SIPA1L3: variants seen among roughly 807,000 people sequenced by gnomAD.
The protein encoded by SIPA1L3 is signal induced proliferation associated 1 like 3.
Under a neutral mutation model 150.1 loss-of-function variants are expected in SIPA1L3, and 59 were observed. That is an observed-to-expected ratio of 0.39 (90% CI 0.32 to 0.49). SIPA1L3 has a LOEUF of 0.49. Among genes scored for constraint, SIPA1L3 ranks in the 20% least tolerant of loss-of-function variants. The pLI, the probability that SIPA1L3 is intolerant of heterozygous loss-of-function variation, is 0.86. For synonymous variants in SIPA1L3, 1,070 were observed against 1,077.6 expected, an observed-to-expected ratio of 0.99 and a Z score of 0.14; for missense variants, 2,211 against 2,489.5, an observed-to-expected ratio of 0.89 and a Z score of 2.38.
chr19:37,911,036 G>A (rs569235955), intron 1 of SIPA1L3, among the ~76,000 whole-genome samples: 28 of 152,254 alleles, frequency 1.8e-4, no homozygotes, highest in African/African-American at 5.5e-4. Flanking sequence ...ATACAGAGGT[G>A]TAGGGAAAAT....
intron 15 of SIPA1L3, among the ~76,000 whole-genome samples, chr19:38,175,419 A>G (rs188869396): frequency 1.2e-3 from 180 of 152,282 alleles, no homozygotes; most frequent in African/African-American, 4.1e-3. Flanking sequence ...TGCAGCTGGT[A>G]TGATTTCTCT....
At chr19:38,104,659 C>T (rs1157764298) in intron 6 of SIPA1L3, among the ~76,000 whole-genome samples, 2 of 152,106 alleles carry the variant, frequency 1.3e-5, no homozygotes, top group Non-Finnish European at 2.9e-5. Flanking sequence ...GCAACCTTCA[C>T]CTCCTGGTTT....
intron 10 of SIPA1L3, among the ~76,000 whole-genome samples, chr19:38,140,697 C>G (rs1971555385): frequency 6.6e-6 from 1 of 152,074 alleles, no homozygotes; most frequent in Non-Finnish European, 1.5e-5. Context: ...TGGGTCCCGT[C>G]CTGGTTGAAG....
intron 1 of SIPA1L3, among the ~76,000 whole-genome samples, chr19:37,993,238 G>C (rs1033863326): frequency 2.0e-5 from 3 of 152,198 alleles, no homozygotes; most frequent in Admixed American, 1.3e-4. Context: ...ACATGGGGCT[G>C]TGGGGATCAC....
chr19:38,190,852 C>T (rs1349118097), intron 16 of SIPA1L3, among the ~76,000 whole-genome samples: 1 of 152,198 alleles, frequency 6.6e-6, no homozygotes, highest in Admixed American at 6.6e-5. Flanking sequence ...TTGTTATCTG[C>T]AGACAGAAGC....
In SIPA1L3 at chr19:37,975,225, CAGAG is replaced by C. The variant is rs1201212106; in HGVS notation, c.-378-53857_-378-53854del. Among the ~76,000 whole-genome samples the C allele has an allele frequency of 3.3e-5, 5 of 152,188 alleles. No individual in the cohort carries two copies. In the East Asian group the frequency reaches 9.7e-4, roughly 29 times the overall value. Reference sequence around the variant, plus strand: ...GCTGTGATACATACCAAACAGGAAACAGAGAGAGAGCGAGGAGAGCATATTAATG... The same window carrying C: ...GCTGTGATACATACCAAACAGGAAACAGAGAGCGAGGAGAGCATATTAATG... On this transcript the variant is annotated intron_variant, in intron 1 of 21. Coordinates refer to ENST00000222345, the MANE Select transcript of SIPA1L3 (RefSeq NM_015073.3).
chr19:37,985,261 A>G (rs1353878624), intron 1 of SIPA1L3, among the ~76,000 whole-genome samples: 4 of 151,146 alleles, frequency 2.6e-5, no homozygotes, highest in Non-Finnish European at 4.4e-5. Flanking sequence ...CAGTGGTGCA[A>G]TCTTGGCTCA....
chr19:38,197,483 C>G lies in SIPA1L3; in HGVS notation c.4841-906C>G, dbSNP rs1484785666. Among the ~76,000 whole-genome samples, 4 of 152,186 alleles carry G rather than the reference C, an allele frequency of 2.6e-5. No individual in the cohort carries two copies. In the East Asian group the frequency reaches 7.7e-4, roughly 29 times the overall value. ...GCGTGTCATACCTGAACCTGCCCCC[C>G]CACGGCAACCCCACCCCGTGTAAAC... On this transcript the variant is annotated intron_variant, in intron 18 of 21. Transcript: ENST00000222345.
At chr19:38,000,934 C>CAT (rs1003483566) in intron 1 of SIPA1L3, among the ~76,000 whole-genome samples, 8 of 126,240 alleles carry the variant, frequency 6.3e-5, no homozygotes, top group East Asian at 4.2e-4. Context: ...ATATATATAA[C>CAT]ATATATAACA....
At chr19:38,199,945 C>T (rs1332619660) in intron 19 of SIPA1L3, 1 of 152,012 alleles carries the variant, frequency 6.6e-6, no homozygotes, top group East Asian at 1.9e-4. Context: ...TAAAATATTC[C>T]AGGTTGGGTG....
At chr19:37,999,885 AC>A (rs1353208961) in intron 1 of SIPA1L3, among the ~76,000 whole-genome samples, 2 of 152,176 alleles carry the variant, frequency 1.3e-5, no homozygotes, top group African/African-American at 4.8e-5. Flanking sequence ...AGGGTCTTGA[AC>A]AGTGTGGACC....
chr19:38,072,623 G>C (rs1969748746), intron 2 of SIPA1L3, among the ~76,000 whole-genome samples: 1 of 152,252 alleles, frequency 6.6e-6, no homozygotes, highest in African/African-American at 2.4e-5. Context: ...TCCTGGTAAA[G>C]ACATCACGGT....
At chr19:38,017,160 G>C (rs1031825564) in intron 1 of SIPA1L3, among the ~76,000 whole-genome samples, 11 of 152,102 alleles carry the variant, frequency 7.2e-5, no homozygotes, top group African/African-American at 2.4e-4. Context: ...GCCTCCCAAA[G>C]TGCTGGGATT....
At chr19:38,115,974 C>T (rs1970872873) in intron 8 of SIPA1L3, among the ~76,000 whole-genome samples, 1 of 152,078 alleles carries the variant, frequency 6.6e-6, no homozygotes, top group African/African-American at 2.4e-5. Context: ...TCGCCCTTGT[C>T]TAGAGTTGGG....
At chr19:38,129,722 G>T (rs1261248331) in intron 9 of SIPA1L3, among the ~76,000 whole-genome samples, 1 of 152,068 alleles carries the variant, frequency 6.6e-6, no homozygotes, top group Non-Finnish European at 1.5e-5. Context: ...ATGCTTCCTT[G>T]TGTATTTTAG....
intron 2 of SIPA1L3, among the ~76,000 whole-genome samples, chr19:38,057,220 G>T (rs1408649229): frequency 6.6e-6 from 1 of 151,658 alleles, no homozygotes; most frequent in Non-Finnish European, 1.5e-5. Flanking sequence ...GCAGTGAGCT[G>T]AAATCCCACC....
intron 1 of SIPA1L3, among the ~76,000 whole-genome samples, chr19:37,965,753 G>T (rs541041496): frequency 1.8e-4 from 23 of 126,744 alleles, no homozygotes; most frequent in Admixed American, 3.7e-4. Context: ...TTCCTTAATT[G>T]TATCTGGAAT....
intron 1 of SIPA1L3, among the ~76,000 whole-genome samples, chr19:38,007,952 C>A (rs1413970994): frequency 3.3e-5 from 5 of 152,138 alleles, no homozygotes; most frequent in African/African-American, 1.2e-4. Context: ...AATGTGAGCT[C>A]CGTGAAGGCA....
At position 38,182,632 on chromosome 19, in the gene SIPA1L3, TCCCCAA is replaced by T; in HGVS notation, c.4323_4328del (p.Pro1442_Lys1443del). On this transcript the variant is annotated inframe_deletion, in exon 16 of 22. Transcript: ENST00000222345. ...AGCCCCTTTCAGCTCTCCGCCTCCG[TCCCCAA>T]GTCCTTCTTCTCCAAGCAGCCTGTA... 1 of 1,613,966 alleles carries T rather than the reference TCCCCAA, an allele frequency of 6.2e-7. No homozygotes were observed. Among genetic ancestry groups the T allele is most frequent in the Non-Finnish European group, 8.5e-7 (1 of 1,179,998 alleles).
Sources: gnomAD v4.1 joint callset for allele counts (sites outside exome capture counted in the v4.1 genomes callset) on GRCh38, gnomAD v4.1.1 for gene constraint, MANE v1.5 for transcripts, NCBI Gene and HGNC (gene_info 2026-07-23, HGNC 2026-07-21) for gene names.